The following KLF13 variants were observed in gnomAD, a reference collection of about 807,000 sequenced individuals.
The protein encoded by KLF13 is KLF transcription factor 13.
Under a neutral mutation model 16.7 loss-of-function variants are expected in KLF13, and 8 were observed. The ratio of observed to expected loss-of-function variants is 0.48; its 90% CI spans 0.28 to 0.87. The LOEUF is 0.87. KLF13 is among the 40% of genes least tolerant of loss of function. KLF13 has a pLI of 0.10. For missense variants in KLF13, 447 were observed against 452.2 expected (o/e 0.99, Z 0.10); for synonymous variants, 245 against 208.4 (o/e 1.18, Z -1.51).
intron 2 of KLF13, among the ~76,000 whole-genome samples, chr15:31,400,149 C>T (rs537619756): frequency 6.6e-6 from 1 of 152,362 alleles, no homozygotes; most frequent in East Asian, 1.9e-4. Flanking sequence ...TCCACCCCCA[C>T]TCTGCTCTCC....
At chr15:31,344,750 TCTC>T (rs2039084471) in intron 1 of KLF13, among the ~76,000 whole-genome samples, 1 of 151,850 alleles carries the variant, frequency 6.6e-6, no homozygotes, top group Non-Finnish European at 1.5e-5. Flanking sequence ...TTTAACAAAA[TCTC>T]CTGGAATCCA....
At chr15:31,397,405 G>A (rs1372894308) in intron 2 of KLF13, among the ~76,000 whole-genome samples, 2 of 152,260 alleles carry the variant, frequency 1.3e-5, no homozygotes, top group African/African-American at 4.8e-5. Flanking sequence ...TCAGGCCTGG[G>A]GCGGTGGCGC....
At chr15:31,357,336 G>A (rs901817744) in intron 1 of KLF13, among the ~76,000 whole-genome samples, 11 of 152,304 alleles carry the variant, frequency 7.2e-5, no homozygotes, top group Middle Eastern at 3.4e-3. Flanking sequence ...CTTGGTCTGG[G>A]TCTCTTGCCC....
At chr15:31,423,825 T>C (rs189489790) in intron 1 of KLF13, among the ~76,000 whole-genome samples, 2 of 152,328 alleles carry the variant, frequency 1.3e-5, no homozygotes, top group East Asian at 3.9e-4. Flanking sequence ...TTTCTGATTT[T>C]GTTGGAATAA....
At chr15:31,367,840 G>A (rs1249196073) in intron 1 of KLF13, among the ~76,000 whole-genome samples, 2 of 152,250 alleles carry the variant, frequency 1.3e-5, no homozygotes, top group Admixed American at 1.3e-4. Flanking sequence ...GGACGGGGCA[G>A]TGTGCTCACT....
At chr15:31,355,701 G>A (rs982077758) in intron 1 of KLF13, among the ~76,000 whole-genome samples, 8 of 152,084 alleles carry the variant, frequency 5.3e-5, no homozygotes, top group African/African-American at 1.7e-4. Context: ...GCCAGCATGC[G>A]GTATTTTGGG....
intron 1 of KLF13, among the ~76,000 whole-genome samples, chr15:31,423,176 C>CGTAT (rs149346729): frequency 5.9e-5 from 1 of 17,006 alleles, no homozygotes; most frequent in African/African-American, 5.1e-4. Context: ...TATATATATA[C>CGTAT]ATATATACGT....
chr15:31,338,467 G>T (rs956338938), intron 1 of KLF13, among the ~76,000 whole-genome samples: 2 of 152,204 alleles, frequency 1.3e-5, no homozygotes, highest in African/African-American at 4.8e-5. Context: ...AGGTGGTGCG[G>T]GCTGCAGCAC....
intron 1 of KLF13, among the ~76,000 whole-genome samples, chr15:31,421,842 G>A (rs1020847325): frequency 5.9e-5 from 9 of 152,112 alleles, no homozygotes; most frequent in African/African-American, 1.9e-4. Flanking sequence ...GGCCGAGCGC[G>A]GTGGCTCACA....
rs2038731071 is a variant in KLF13, at chr15:31,327,386, C to T, written c.174C>T (p.Ser58=). ...AGGAGCGCCGCGACGGTAAGGACAG[C>T]GCCTCGCTCTTCGTGGTGGCGCGGA... The part of the protein sequence containing the change: ...RVEERRDGKD[S]ASLFVVARIL... Residue 58 remains serine, a synonymous_variant, in exon 1 of 2, where the codon AGC becomes AGT. Transcript: ENST00000307145. 11 of 1,287,920 alleles carry T rather than the reference C, an allele frequency of 8.5e-6. 1 individual carries two copies. Among genetic ancestry groups the T allele is most frequent in the South Asian group, 2.1e-5 (1 of 47,258 alleles). The allele number at this position is 1,287,920 out of a possible 1,614,324, so 79.8% of individuals were successfully genotyped here.
At chr15:31,424,336 C>T (rs984816677) in intron 1 of KLF13, among the ~76,000 whole-genome samples, 1 of 152,022 alleles carries the variant, frequency 6.6e-6, no homozygotes, top group African/African-American at 2.4e-5. Flanking sequence ...TACTAGCAAA[C>T]CAAATTCGAT....
chr15:31,338,468 G>T (rs1219802579), intron 1 of KLF13, among the ~76,000 whole-genome samples: 1 of 152,214 alleles, frequency 6.6e-6, no homozygotes, highest in Non-Finnish European at 1.5e-5. Context: ...GGTGGTGCGG[G>T]CTGCAGCACA....
chr15:31,434,584 G>C (rs889524805), intron 1 of KLF13, among the ~76,000 whole-genome samples: 1 of 152,236 alleles, frequency 6.6e-6, no homozygotes, highest in Non-Finnish European at 1.5e-5. Context: ...GGACTTTTGA[G>C]TTTGAGAATG....
intron 1 of KLF13, among the ~76,000 whole-genome samples, chr15:31,360,959 G>A (rs1595472056): frequency 6.6e-6 from 1 of 152,218 alleles, no homozygotes; most frequent in Non-Finnish European, 1.5e-5. Context: ...CTCCTCCAGG[G>A]CTTCTGAGTG....
chr15:31,329,271 C>A (rs946473995), intron 1 of KLF13, among the ~76,000 whole-genome samples: 1 of 142,882 alleles, frequency 7.0e-6, no homozygotes, highest in African/African-American at 2.7e-5. Flanking sequence ...GTGGGTGTGG[C>A]CCTGGGGGAG....
At chr15:31,399,508 A>G (rs1352382005) in intron 2 of KLF13, among the ~76,000 whole-genome samples, 2 of 152,026 alleles carry the variant, frequency 1.3e-5, no homozygotes, top group African/African-American at 2.4e-5. Flanking sequence ...ACCACCACAC[A>G]CTGCCCTTGG....
chr15:31,328,622 A>G (rs776025775), intron 1 of KLF13, among the ~76,000 whole-genome samples: 1 of 149,664 alleles, frequency 6.7e-6, no homozygotes, highest in Non-Finnish European at 1.5e-5. Flanking sequence ...CGGCACCTGC[A>G]CCAGGGCGGG....
intron 1 of KLF13, among the ~76,000 whole-genome samples, chr15:31,369,232 A>G (rs1363062217): frequency 6.6e-6 from 1 of 152,236 alleles, no homozygotes; most frequent in Non-Finnish European, 1.5e-5. Flanking sequence ...TGCTGGGCCC[A>G]CAGGTCAGTT....
At chr15:31,427,527 A>T (rs2040414494) in intron 1 of KLF13, among the ~76,000 whole-genome samples, 1 of 152,236 alleles carries the variant, frequency 6.6e-6, no homozygotes, top group Admixed American at 6.5e-5. Flanking sequence ...TGCTTATTGC[A>T]GCAAAATTCA....
Sources: gnomAD v4.1 joint callset for allele counts (sites outside exome capture counted in the v4.1 genomes callset) on GRCh38, gnomAD v4.1.1 for gene constraint, MANE v1.5 for transcripts, NCBI Gene and HGNC (gene_info 2026-07-23, HGNC 2026-07-21) for gene names.